The following RYR3 variants were observed in gnomAD, a reference collection of about 807,000 sequenced individuals.
RYR3 encodes the protein ryanodine receptor 3.
In RYR3, 207 loss-of-function variants were observed where a neutral mutation model predicts 584.3. The ratio of observed to expected loss-of-function variants is 0.35; its 90% confidence interval spans 0.32 to 0.40. The LOEUF (loss-of-function observed/expected upper bound fraction) is 0.40. RYR3 is among the 10% of genes least tolerant of loss of function. The probability of loss-of-function intolerance (pLI) is 1.00; values close to 1 mark genes in which losing one functional copy is unlikely to be tolerated. For synonymous variants in RYR3, 2,416 were observed against 2,248.5 expected (o/e 1.07, Z -2.11); for missense variants, 5,616 against 6,089.2 (o/e 0.92, Z 2.59).
intron 1 of RYR3, among the ~76,000 whole-genome samples, chr15:33,418,355 C>T (rs368899180): frequency 2.6e-4 from 39 of 150,320 alleles, no homozygotes; most frequent in Non-Finnish European, 4.3e-4. Flanking sequence ...ATTATTGATT[C>T]GTCTTTTATT....
chr15:33,787,651 G>C lies in RYR3; in HGVS notation c.9590-567G>C, dbSNP rs142466530. 4.1e-3 allele frequency among the ~76,000 whole-genome samples: 625 copies of C among 152,238 alleles called. 11 individuals carry two copies. The highest frequency in any genetic ancestry group is 0.038 in the Admixed American group (580 of 15,286). ...TTTTGTTCATTTGTAATTGATACCAGACTTATATCCCTCCCTCAGAGCCCA... is the reference window on the plus strand; with the variant it reads ...TTTTGTTCATTTGTAATTGATACCACACTTATATCCCTCCCTCAGAGCCCA... On this transcript the variant is annotated intron_variant, in intron 66 of 103. Coordinates refer to ENST00000634891, the MANE Select transcript of RYR3 (RefSeq NM_001036.6).
intron 74 of RYR3, 89 bp downstream of exon 74, chr15:33,813,668 A>G (rs2076662677): frequency 2.8e-6 from 3 of 1,070,970 alleles, no homozygotes; most frequent in Admixed American, 1.8e-5. Context: ...CTCTTAATCC[A>G]AGGAATAGAA....
chr15:33,696,377 G>T lies in RYR3; in HGVS notation c.6020G>T (p.Ser2007Ile). ...GCGCTGCGGAAGACCTACACCATCA[G>T]CCACACCTCTGTAAGCGACACCATC... ...LQALRKTYTISHTSVSDTINL... is the reference protein window; with the variant it reads ...LQALRKTYTIIHTSVSDTINL... Residue 2007 changes from serine to isoleucine, a missense_variant, in exon 39 of 104, where the codon AGC (serine) becomes ATC (isoleucine). Physicochemically the swap from Ser to Ile is moderately radical, Grantham distance 142. Coordinates refer to ENST00000634891, the MANE Select transcript of RYR3 (RefSeq NM_001036.6). 1.9e-6 allele frequency: 3 copies of T among 1,613,930 alleles called. No homozygotes were observed.
intron 48 of RYR3, among the ~76,000 whole-genome samples, chr15:33,732,337 G>A (rs183407205): frequency 5.3e-4 from 79 of 148,920 alleles, no homozygotes; most frequent in African/African-American, 1.5e-3. Context: ...GCAGTGAGCC[G>A]AGATCATGCC....
chr15:33,807,778 A>G, intron 70 of RYR3: 1 of 600,314 alleles, frequency 1.7e-6, no homozygotes, highest in East Asian at 2.8e-5. Flanking sequence ...CGGGGAAGCC[A>G]GCCAAGCCTC....
At chr15:33,814,518 G>A (rs1168705804) in intron 74 of RYR3, among the ~76,000 whole-genome samples, 1 of 152,114 alleles carries the variant, frequency 6.6e-6, no homozygotes, top group Non-Finnish European at 1.5e-5. Context: ...TGTGGATCTT[G>A]GCCATCATTT....
At chr15:33,538,138 T>G (rs2055494990) in intron 5 of RYR3, among the ~76,000 whole-genome samples, 1 of 152,198 alleles carries the variant, frequency 6.6e-6, no homozygotes. Flanking sequence ...TAATCTTTGC[T>G]TTCTCCAAGT....
At chr15:33,459,886 T>C (rs1353417112) in intron 1 of RYR3, among the ~76,000 whole-genome samples, 1 of 152,192 alleles carries the variant, frequency 6.6e-6, no homozygotes, top group Non-Finnish European at 1.5e-5. Flanking sequence ...CCAGACATGA[T>C]TATATTTAAA....
chr15:33,611,712 G>T (rs921374981), intron 18 of RYR3, among the ~76,000 whole-genome samples: 1 of 152,152 alleles, frequency 6.6e-6, no homozygotes, highest in East Asian at 1.9e-4. Context: ...AGGCTGGAGC[G>T]CAGTGGCATG....
intron 65 of RYR3, among the ~76,000 whole-genome samples, chr15:33,783,908 A>G (rs2074545672): frequency 9.2e-6 from 1 of 108,820 alleles, no homozygotes; most frequent in South Asian, 5.0e-4. Flanking sequence ...GCAAATCACA[A>G]GAGTTCAGGG....
chr15:33,484,320 G>C (rs2050226090), intron 2 of RYR3, among the ~76,000 whole-genome samples: 2 of 151,978 alleles, frequency 1.3e-5, no homozygotes, highest in African/African-American at 4.8e-5. Flanking sequence ...GAAAGAGAAG[G>C]TTCCAAAAGA....
chr15:33,322,708 G>A (rs1381219604), intron 1 of RYR3, among the ~76,000 whole-genome samples: 2 of 151,966 alleles, frequency 1.3e-5, no homozygotes, highest in Admixed American at 1.3e-4. Context: ...TGTAAGTTTT[G>A]TCTATCCAGA....
chr15:33,386,616 A>G (rs2141242990), intron 1 of RYR3, among the ~76,000 whole-genome samples: 1 of 152,302 alleles, frequency 6.6e-6, no homozygotes, highest in Admixed American at 6.5e-5. Flanking sequence ...ATCATTGTGC[A>G]ACCAATCTCC....
Position 33,844,168 on chromosome 15 carries a change from A to G in RYR3, c.13296+594A>G, listed in dbSNP as rs560873989. Among the ~76,000 whole-genome samples, 63 of 152,280 alleles carry G rather than the reference A, an allele frequency of 4.1e-4. No homozygotes were observed. The East Asian group carries it at 8.9e-3, about 21-fold the overall frequency. ...TCTCCCTTTCTACTTAAAACCACCA[A>G]TCTAATTTGTATGAAACATTGTTTT... On this transcript the variant is annotated intron_variant, in intron 92 of 103. Transcript: ENST00000634891.
intron 18 of RYR3, among the ~76,000 whole-genome samples, chr15:33,610,780 A>G (rs1394284584): frequency 6.6e-6 from 1 of 152,200 alleles, no homozygotes; most frequent in African/African-American, 2.4e-5. Flanking sequence ...TCTAAACACA[A>G]AATTCCTTTA....
intron 53 of RYR3, among the ~76,000 whole-genome samples, chr15:33,747,218 G>A (rs540641155): frequency 8.5e-5 from 13 of 152,204 alleles, no homozygotes; most frequent in African/African-American, 2.2e-4. Context: ...ATTAATTAAC[G>A]TATTTGGTTT....
At chr15:33,843,428 G>A (rs2078510041) in intron 91 of RYR3, 60 bp from the exon 92 acceptor site, 1 of 1,183,932 alleles carries the variant, frequency 8.4e-7, no homozygotes, top group Non-Finnish European at 1.2e-6. Context: ...CTGTGTGAAA[G>A]TAGGAAGTTC....
chr15:33,409,332 G>A lies in RYR3; in HGVS notation c.52-64087G>A, dbSNP rs374767545. ...ACAAATCACTGATCCAAATAAACTT[G>A]AGTTTCAAAAAATCTAAAAAAAAAA... On this transcript the variant is annotated intron_variant, in intron 1 of 103. Transcript: ENST00000634891. Among the ~76,000 whole-genome samples the A allele has an allele frequency of 1.0e-3, 148 of 144,772 alleles. 1 individual carries two copies. The highest frequency in any genetic ancestry group is 3.6e-3 in the African/African-American group (139 of 38,756). 95.0% of individuals were successfully genotyped at this position (144,772 alleles called of 152,430 possible). A position where few individuals can be genotyped will look rare whatever the true frequency, so the allele number is the denominator to read the frequency against.
chr15:33,519,555 C>A (rs1265188336), intron 3 of RYR3, among the ~76,000 whole-genome samples: 3 of 151,988 alleles, frequency 2.0e-5, no homozygotes, highest in Admixed American at 2.0e-4. Context: ...ATTTGAATTA[C>A]CTGGGAGCTC....
Sources: allele counts gnomAD v4.1 joint callset (sites outside exome capture counted in the v4.1 genomes callset), GRCh38; gene constraint gnomAD v4.1.1; transcripts MANE v1.5; gene names NCBI Gene and HGNC (gene_info 2026-07-23, HGNC 2026-07-21).